Variants in NR5A2 observed in about 807,000 individuals in gnomAD.
NR5A2 encodes nuclear receptor subfamily 5 group A member 2.
Under a neutral mutation model 62.7 loss-of-function variants are expected in NR5A2, and 26 were observed. The ratio of observed to expected loss-of-function variants is 0.41; its 90% confidence interval spans 0.30 to 0.58. The LOEUF is 0.58. Ranked by LOEUF, NR5A2 falls within the 20% of genes least tolerant of loss-of-function variation. The pLI is 0.22. For missense variants in NR5A2, 541 were observed against 669.1 expected (o/e 0.81, Z 2.11); for synonymous variants, 246 against 241.7 (o/e 1.02, Z -0.16).
intron 5 of NR5A2, among the ~76,000 whole-genome samples, chr1:200,068,130 C>T (rs541432846): frequency 9.9e-5 from 15 of 152,206 alleles, no homozygotes; most frequent in Middle Eastern, 3.4e-3. Context: ...GCTTTATCTT[C>T]AATTCTTTAA....
chr1:200,061,593 A>C (rs1003641830), intron 5 of NR5A2, among the ~76,000 whole-genome samples: 1 of 152,134 alleles, frequency 6.6e-6, no homozygotes, highest in Non-Finnish European at 1.5e-5. Context: ...TTAACTTTAC[A>C]ACCAAACTTG....
intron 5 of NR5A2, among the ~76,000 whole-genome samples, chr1:200,077,305 G>C (rs971963922): frequency 2.0e-5 from 3 of 152,220 alleles, no homozygotes; most frequent in African/African-American, 4.8e-5. Context: ...ACATGTAGAG[G>C]AAGAGGTCCT....
chr1:200,043,768 T>C lies in NR5A2; in HGVS notation c.203-6T>C. ...ATATGTGTATACATTTCTCTTTTTG[T>C]TTCAGTGTCTCAATTTAAAATGGTG... On this transcript the variant is annotated splice_polypyrimidine_tract_variant and splice_region_variant and intron_variant, in intron 2 of 7. Coordinates refer to ENST00000367362, the MANE Select transcript of NR5A2 (RefSeq NM_205860.3). 1 of 1,572,610 alleles carries C rather than the reference T, an allele frequency of 6.4e-7. No individual in the cohort carries two copies. The highest frequency in any genetic ancestry group is 1.1e-5 in the South Asian group (1 of 89,452).
At chr1:200,098,466 A>T (rs973120607) in intron 5 of NR5A2, among the ~76,000 whole-genome samples, 5 of 152,216 alleles carry the variant, frequency 3.3e-5, no homozygotes, top group Non-Finnish European at 7.3e-5. Context: ...ATTATATTTT[A>T]AAAAAATAAC....
rs116351878 is a variant in NR5A2, at chr1:200,158,766, T to C, written c.1379-15197T>C. Among the ~76,000 whole-genome samples the C allele has an allele frequency of 3.9e-3, 598 of 152,306 alleles. 5 individuals carry two copies. The highest frequency in any genetic ancestry group is 0.014 in the African/African-American group (561 of 41,550). ...AGCATAGAGTTCAAGTTGCTGAGTC[T>C]TACCTAGTGAACCATCAGCCAACAC... On this transcript the variant is annotated intron_variant, in intron 7 of 7. Coordinates refer to ENST00000367362, the MANE Select transcript of NR5A2 (RefSeq NM_205860.3).
intron 5 of NR5A2, among the ~76,000 whole-genome samples, chr1:200,050,049 T>C (rs1355233124): frequency 6.6e-6 from 1 of 152,262 alleles, no homozygotes; most frequent in Non-Finnish European, 1.5e-5. Flanking sequence ...TTCCACGTCC[T>C]TTATTGCTAC....
chr1:200,137,831 T>C (rs1421553009), intron 7 of NR5A2, among the ~76,000 whole-genome samples: 1 of 152,202 alleles, frequency 6.6e-6, no homozygotes, highest in African/African-American at 2.4e-5. Flanking sequence ...CAAGAAATTA[T>C]GGGACAAATT....
chr1:200,094,689 C>A (rs1027999549), intron 5 of NR5A2, among the ~76,000 whole-genome samples: 1 of 151,380 alleles, frequency 6.6e-6, no homozygotes, highest in East Asian at 1.9e-4. Context: ...CCTGCCACCA[C>A]GCCTGACTTA....
chr1:200,071,432 G>A (rs762985474), intron 5 of NR5A2, among the ~76,000 whole-genome samples: 2 of 152,142 alleles, frequency 1.3e-5, no homozygotes, highest in Non-Finnish European at 2.9e-5. Context: ...AAAACCCTAG[G>A]TAAAAACACA....
intron 5 of NR5A2, among the ~76,000 whole-genome samples, chr1:200,091,017 A>G (rs1337216601): frequency 6.6e-6 from 1 of 152,172 alleles, no homozygotes. Flanking sequence ...TTCTTCTGAG[A>G]TCAATATCCC....
chr1:200,150,482 A>T (rs1383684896), intron 7 of NR5A2, among the ~76,000 whole-genome samples: 1 of 152,212 alleles, frequency 6.6e-6, no homozygotes, highest in East Asian at 1.9e-4. Context: ...TAATTCATAC[A>T]TTTGATGGGG....
intron 5 of NR5A2, among the ~76,000 whole-genome samples, chr1:200,106,459 A>G (rs1665671642): frequency 6.6e-6 from 1 of 152,044 alleles, no homozygotes; most frequent in African/African-American, 2.4e-5. Context: ...ATTCCTTTAC[A>G]CTCTCATCTA....
intron 5 of NR5A2, among the ~76,000 whole-genome samples, chr1:200,087,266 A>ACC (rs1396503545): frequency 7.0e-6 from 1 of 143,264 alleles, no homozygotes; most frequent in Non-Finnish European, 1.5e-5. Flanking sequence ...ACACACACAC[A>ACC]CCCTTCCTCT....
At chr1:200,041,130 T>C (rs1662053411) in intron 2 of NR5A2, among the ~76,000 whole-genome samples, 1 of 152,208 alleles carries the variant, frequency 6.6e-6, no homozygotes, top group Non-Finnish European at 1.5e-5. Flanking sequence ...GGAGAGGGCC[T>C]ACCCTTGGGG....
chr1:200,091,001 C>T (rs984961898), intron 5 of NR5A2, among the ~76,000 whole-genome samples: 31 of 152,308 alleles, frequency 2.0e-4, no homozygotes, highest in African/African-American at 5.5e-4. Flanking sequence ...GGTGCCATTG[C>T]ATTCATTCTT....
rs113040271 is a variant in NR5A2 at position 200,095,765 on chromosome 1, G to A, written c.1111-15437G>A. Among the ~76,000 whole-genome samples, 754 of 152,150 alleles carry A rather than the reference G, an allele frequency of 5.0e-3. 2 individuals are homozygous for A. The highest frequency in any genetic ancestry group is 8.3e-3 in the Non-Finnish European group (565 of 68,014). ...GACAGGGTTTTACCACGTTAGCCAG[G>A]ATGGTGTCGATCTCCTGACCTTGTG... On this transcript the variant is annotated intron_variant, in intron 5 of 7. Transcript: ENST00000367362.
At chr1:200,110,998 A>G (rs531559090) in intron 5 of NR5A2, among the ~76,000 whole-genome samples, 71 of 152,114 alleles carry the variant, frequency 4.7e-4, no homozygotes, top group Admixed American at 1.7e-3. Context: ...TGTGTCCTAA[A>G]AAAACTATTT....
In NR5A2 at chr1:200,039,911, G is replaced by T; in HGVS notation, c.202+116G>T. ...GCGGGAGTAGCCCCGCTGGGCGCTC[G>T]CAGCCGCGGGAGTCAAGCCCCCTCC... On this transcript the variant is annotated intron_variant, in intron 2 of 7. Coordinates refer to ENST00000367362, the MANE Select transcript of NR5A2 (RefSeq NM_205860.3). This position sits in a 1 kb window ranked among gnomAD's most constrained non-coding sequence, Gnocchi z 5.1. 8.4e-7 allele frequency: 1 copy of T among 1,196,584 alleles called. No individual in the cohort carries two copies. Among genetic ancestry groups the T allele is most frequent in the South Asian group, 1.7e-5 (1 of 59,844 alleles). 74.1% of individuals were successfully genotyped at this position (1,196,584 alleles called of 1,614,324 possible).
At chr1:200,086,256 A>G (rs970578918) in intron 5 of NR5A2, among the ~76,000 whole-genome samples, 1 of 152,122 alleles carries the variant, frequency 6.6e-6, no homozygotes, top group Non-Finnish European at 1.5e-5. Flanking sequence ...AATTAAGTCT[A>G]TTATTAATGG....
Sources: gnomAD v4.1 joint callset for allele counts (sites outside exome capture counted in the v4.1 genomes callset) on GRCh38, gnomAD v4.1.1 for gene constraint, Gnocchi (gnomAD v3.1) non-coding constraint, MANE v1.5 for transcripts, NCBI Gene and HGNC (gene_info 2026-07-23, HGNC 2026-07-21) for gene names.